TMEM108: variants seen among roughly 807,000 people sequenced by gnomAD.
TMEM108 encodes the protein cancer/testis antigen 124.
Under a neutral mutation model 35.1 loss-of-function variants are expected in TMEM108, and 12 were observed. The observed-to-expected ratio is 0.34, with a 90% CI of 0.22 to 0.55. TMEM108 has a LOEUF of 0.55. Ranked by LOEUF, TMEM108 falls within the 20% of genes least tolerant of loss-of-function variation. The pLI, the probability that TMEM108 is intolerant of heterozygous loss-of-function variation, is 0.89. For synonymous variants in TMEM108, 287 were observed against 308.6 expected (o/e 0.93, Z 0.73); for missense variants, 680 against 753.3 (o/e 0.90, Z 1.14).
At position 133,395,880 on chromosome 3, in the gene TMEM108, C is replaced by A; in HGVS notation, c.1622C>A (p.Pro541His). ...LETSEDQLSE[P>H]RSPANGDYRD... The stretch of plus-strand genomic sequence containing the variant: ...TCTTCCCAGGACCAGCTCTCAGAGC[C>A]CCGCTCCCCAGCCAATGGCGACTAT... Residue 541 changes from proline (P) to histidine (H), a missense_variant, in exon 6 of 6, where the codon CCC (proline) becomes CAC (histidine). By Grantham distance (77) the Pro-to-His change is moderately conservative (BLOSUM62 -2). Transcript: ENST00000321871. 1 of 1,588,162 alleles carries A rather than the reference C, an allele frequency of 6.3e-7. No individual in the cohort carries two copies.
At position 133,195,686 on chromosome 3, in the gene TMEM108, T is replaced by C. The variant is rs141107403; in HGVS notation, c.-46-33580T>C. Among the ~76,000 whole-genome samples, 739 of 152,252 alleles carry C rather than the reference T, an allele frequency of 4.9e-3. 9 individuals carry two copies. The highest frequency in any genetic ancestry group is 0.017 in the African/African-American group (720 of 41,550). On this transcript the variant is annotated intron_variant, in intron 2 of 5. Transcript: ENST00000321871. Reference sequence around the variant, plus strand: ...AAGTGTGAATGAGTGAATGAATGGATTAATATGAATAAATGAACCAGTGAC... The same window carrying C: ...AAGTGTGAATGAGTGAATGAATGGACTAATATGAATAAATGAACCAGTGAC...
chr3:133,269,019 T>C (rs746024955), intron 3 of TMEM108, among the ~76,000 whole-genome samples: 1 of 152,236 alleles, frequency 6.6e-6, no homozygotes, highest in Non-Finnish European at 1.5e-5. Context: ...TCCAGTAGTT[T>C]TTTTTTAACT....
chr3:133,106,080 TATA>T (rs944353572), intron 2 of TMEM108, among the ~76,000 whole-genome samples: 19 of 152,036 alleles, frequency 1.2e-4, no homozygotes, highest in African/African-American at 4.6e-4. Flanking sequence ...AATACATACT[TATA>T]ATAAGTGCAG....
intron 1 of TMEM108, among the ~76,000 whole-genome samples, chr3:133,044,623 C>T (rs1943312979): frequency 6.6e-6 from 1 of 152,190 alleles, no homozygotes; most frequent in South Asian, 2.1e-4. Flanking sequence ...CCCGAACCTG[C>T]ATTTTTATCA....
intron 3 of TMEM108, among the ~76,000 whole-genome samples, chr3:133,353,430 A>G (rs902348666): frequency 6.6e-6 from 1 of 152,224 alleles, no homozygotes; most frequent in Non-Finnish European, 1.5e-5. Context: ...TCAAGCCTGC[A>G]AGAGCAGTGG....
chr3:133,198,981 C>A (rs767002263), intron 2 of TMEM108, among the ~76,000 whole-genome samples: 21 of 152,092 alleles, frequency 1.4e-4, no homozygotes, highest in Non-Finnish European at 2.9e-4. Context: ...TTGGAGGCTT[C>A]GTTTCTTTTT....
intron 2 of TMEM108, among the ~76,000 whole-genome samples, chr3:133,122,436 T>TA (rs1944363460): frequency 1.3e-5 from 2 of 152,194 alleles, no homozygotes; most frequent in African/African-American, 4.8e-5. Flanking sequence ...ACCCCTGTGT[T>TA]AGTTACGCAG....
intron 2 of TMEM108, among the ~76,000 whole-genome samples, chr3:133,195,335 G>C (rs76874629): frequency 0.011 from 1,671 of 152,208 alleles, 42 homozygotes; most frequent in African/African-American, 0.038. Flanking sequence ...CAAGATCCAA[G>C]ATCTCATAAT....
chr3:133,317,743 C>G (rs376557908), intron 3 of TMEM108, among the ~76,000 whole-genome samples: 1 of 152,130 alleles, frequency 6.6e-6, no homozygotes, highest in East Asian at 1.9e-4. Context: ...TTTCTATATG[C>G]CAGACACCAT....
chr3:133,067,504 T>C (rs1943624248), intron 2 of TMEM108, among the ~76,000 whole-genome samples: 1 of 152,212 alleles, frequency 6.6e-6, no homozygotes, highest in Non-Finnish European at 1.5e-5. Context: ...CTGCTTTAGC[T>C]CTCTGAATTA....
intron 2 of TMEM108, among the ~76,000 whole-genome samples, chr3:133,206,440 T>A (rs1945755533): frequency 6.6e-6 from 1 of 152,206 alleles, no homozygotes; most frequent in African/African-American, 2.4e-5. Flanking sequence ...TGTGGATTTA[T>A]CTACCTTTGG....
At chr3:133,139,786 G>A (rs558447588) in intron 2 of TMEM108, among the ~76,000 whole-genome samples, 1 of 152,292 alleles carries the variant, frequency 6.6e-6, no homozygotes, top group South Asian at 2.1e-4. Flanking sequence ...TAGCCTTGAT[G>A]TTAGGCTGTC....
Position 133,253,191 on chromosome 3 carries a change from G to C in TMEM108, c.40+23840G>C, listed in dbSNP as rs1157772163. ...TACAGAGAAACCTATTACAGTTGTT[G>C]TTTTACTCAAGAAATACCATATAAG... is the stretch of plus-strand genomic sequence containing the variant. On this transcript the variant is annotated intron_variant, in intron 3 of 5. Transcript: ENST00000321871. Among the ~76,000 whole-genome samples, 3 of 152,158 alleles carry C rather than the reference G, an allele frequency of 2.0e-5. No homozygotes were observed. The East Asian group carries it at 5.8e-4, about 29-fold the overall frequency.
chr3:133,372,115 C>T (rs1165124243), intron 3 of TMEM108, among the ~76,000 whole-genome samples: 2 of 152,208 alleles, frequency 1.3e-5, no homozygotes, highest in East Asian at 3.8e-4. Context: ...TTAAAGGCAG[C>T]ATAGTTGCCC....
chr3:133,057,485 A>ATATATATATATG (rs1559818497), intron 2 of TMEM108, among the ~76,000 whole-genome samples: 2 of 70,852 alleles, frequency 2.8e-5, no homozygotes, highest in African/African-American at 4.7e-5. Flanking sequence ...ATATATATAT[A>ATATATATATATG]TGTGGGTTTT....
At chr3:133,338,716 G>A (rs2071573724) in intron 3 of TMEM108, among the ~76,000 whole-genome samples, 1 of 152,042 alleles carries the variant, frequency 6.6e-6, no homozygotes, top group African/African-American at 2.4e-5. Context: ...AAGACTAAAA[G>A]ATGAACCAAT....
intron 2 of TMEM108, among the ~76,000 whole-genome samples, chr3:133,081,975 A>G (rs1943816442): frequency 6.6e-6 from 1 of 152,222 alleles, no homozygotes; most frequent in Non-Finnish European, 1.5e-5. Flanking sequence ...ACCTTAGTAG[A>G]GCATGACCTC....
intron 2 of TMEM108, among the ~76,000 whole-genome samples, chr3:133,180,888 C>A (rs1188170696): frequency 6.6e-6 from 1 of 151,732 alleles, no homozygotes; most frequent in Non-Finnish European, 1.5e-5. Flanking sequence ...CCAGTAAATT[C>A]CAATTTCAAA....
intron 2 of TMEM108, among the ~76,000 whole-genome samples, chr3:133,147,443 T>C (rs1944737835): frequency 6.6e-6 from 1 of 152,212 alleles, no homozygotes; most frequent in Non-Finnish European, 1.5e-5. Flanking sequence ...TGGTGTGAGA[T>C]GGTATCTCTT....
Sources: gnomAD v4.1 joint callset for allele counts (sites outside exome capture counted in the v4.1 genomes callset) on GRCh38, gnomAD v4.1.1 for gene constraint, MANE v1.5 for transcripts, NCBI Gene and HGNC (gene_info 2026-07-23, HGNC 2026-07-21) for gene names.